Variants in LDLRAD3 observed in about 807,000 individuals in gnomAD.
The protein encoded by LDLRAD3 is low-density lipoprotein receptor class A domain-containing protein 3.
In LDLRAD3, 20 loss-of-function variants were observed where a neutral mutation model predicts 29.4. The ratio of observed to expected loss-of-function variants is 0.68; its 90% CI spans 0.48 to 0.99. LDLRAD3 has a LOEUF of 0.99. Ranked by LOEUF, LDLRAD3 falls within the 50% of genes least tolerant of loss-of-function variation. The pLI is 0.00. For missense variants in LDLRAD3, 420 were observed against 454.3 expected (o/e 0.92, Z 0.69); for synonymous variants, 157 against 192.7 (o/e 0.81, Z 1.53).
At chr11:36,207,659 G>T (rs538149650) in intron 4 of LDLRAD3, among the ~76,000 whole-genome samples, 1 of 151,998 alleles carries the variant, frequency 6.6e-6, no homozygotes, top group African/African-American at 2.4e-5. Flanking sequence ...TGAAGGGCTT[G>T]TATCCACAGT....
chr11:36,100,777 T>C (rs1052978980), intron 4 of LDLRAD3, among the ~76,000 whole-genome samples: 2 of 152,212 alleles, frequency 1.3e-5, no homozygotes, highest in Admixed American at 6.5e-5. Context: ...TGGACTCACT[T>C]ACTCATGGTG....
At chr11:36,035,975 C>G in intron 1 of LDLRAD3, 128 bp from the exon 2 acceptor site, 1 of 827,094 alleles carries the variant, frequency 1.2e-6, no homozygotes, top group African/African-American at 1.7e-5. Context: ...GATGAGGAAA[C>G]TGAAGGTCAG....
In LDLRAD3 at chr11:36,059,627, C is replaced by T. The variant is rs148089816; in HGVS notation, c.194-22026C>T. On this transcript the variant is annotated intron_variant, in intron 2 of 5. Coordinates refer to ENST00000315571, the MANE Select transcript of LDLRAD3 (RefSeq NM_174902.4). ...TGCCTGGCTGCTGTCCCCTCTTACC[C>T]TTGGTTGGCTGACTTCTTGTCTTCT... Among the ~76,000 whole-genome samples, 76 of 152,290 alleles carry T rather than the reference C, an allele frequency of 5.0e-4. 2 individuals are homozygous for T. The East Asian group carries it at 9.3e-3, about 19-fold the overall frequency.
At chr11:36,209,167 A>C (rs1855249770) in intron 4 of LDLRAD3, among the ~76,000 whole-genome samples, 1 of 152,198 alleles carries the variant, frequency 6.6e-6, no homozygotes, top group Non-Finnish European at 1.5e-5. Flanking sequence ...GAACAAGGAA[A>C]GACTGAGAAA....
rs78086369 is a variant in LDLRAD3, at chr11:36,227,180, G to T, written c.550G>T (p.Val184Leu). The T allele has an allele frequency of 1.2e-6, 2 of 1,614,072 alleles. No individual in the cohort carries two copies. Among genetic ancestry groups the T allele is most frequent in the Non-Finnish European group, 1.7e-6 (2 of 1,179,990 alleles). Residue 184 changes from valine to leucine, a missense_variant, in exon 5 of 6, where the codon GTG becomes TTG. By Grantham distance (32) the Val-to-Leu change is conservative. Coordinates refer to ENST00000315571, the MANE Select transcript of LDLRAD3 (RefSeq NM_174902.4). ...YAIIGSSVIF[V>L]LVVALLALVL... ...CATCATCGGCAGCTCCGTCATTTTT[G>T]TGCTGGTGGTGGCCCTGCTGGCACT...
At chr11:36,201,214 A>G (rs1273654181) in intron 4 of LDLRAD3, among the ~76,000 whole-genome samples, 2 of 152,222 alleles carry the variant, frequency 1.3e-5, no homozygotes, top group Non-Finnish European at 2.9e-5. Flanking sequence ...ACCAGCAACC[A>G]GAAGACAGCT....
chr11:36,006,872 C>T (rs1363394280), intron 1 of LDLRAD3, among the ~76,000 whole-genome samples: 1 of 152,204 alleles, frequency 6.6e-6, no homozygotes, highest in African/African-American at 2.4e-5. Context: ...CTCCAGATGT[C>T]GACTATTCCC....
chr11:36,036,048 G>A, intron 1 of LDLRAD3, 55 bp from the exon 2 acceptor site: 12 of 1,573,600 alleles, frequency 7.6e-6, no homozygotes, highest in Non-Finnish European at 1.0e-5. Flanking sequence ...CAGTTGAGGG[G>A]CGCTGAGGTC....
At chr11:36,055,469 T>C (rs1639880439) in intron 2 of LDLRAD3, among the ~76,000 whole-genome samples, 1 of 152,186 alleles carries the variant, frequency 6.6e-6, no homozygotes. Flanking sequence ...GGCTTTCATG[T>C]TCAGAAACAG....
chr11:36,018,810 G>A (rs750100606), intron 1 of LDLRAD3, among the ~76,000 whole-genome samples: 33 of 152,216 alleles, frequency 2.2e-4, no homozygotes, highest in South Asian at 6.2e-4. Flanking sequence ...GGCATTTCAC[G>A]TGCATTTGTT....
rs67731567 is a variant in LDLRAD3 at position 36,055,990 on chromosome 11, C to CTTTTTTTTTTTTTTTTTTTTTTTTTTTTT, written c.193+19763_193+19764insTTTTTTTTTTTTTTTTTTTTTTTTTTTTT. Reference sequence around the variant, plus strand: ...GGGTTCTGGGGTCAGACAGCTTGCCCTTTTTTTTTTTTTTTTTTTTTTGAG... The same window carrying CTTTTTTTTTTTTTTTTTTTTTTTTTTTTT: ...GGGTTCTGGGGTCAGACAGCTTGCCCTTTTTTTTTTTTTTTTTTTTTTTTTTTTTTTTTTTTTTTTTTTTTTTTTTTGAG... On this transcript the variant is annotated intron_variant, in intron 2 of 5. Coordinates refer to ENST00000315571, the MANE Select transcript of LDLRAD3 (RefSeq NM_174902.4). Among the ~76,000 whole-genome samples the CTTTTTTTTTTTTTTTTTTTTTTTTTTTTT allele has an allele frequency of 4.2e-5, 4 of 95,354 alleles. 1 individual carries two copies. Among genetic ancestry groups the CTTTTTTTTTTTTTTTTTTTTTTTTTTTTT allele is most frequent in the Non-Finnish European group, 7.7e-5 (4 of 51,998 alleles). The allele number at this position is 95,354 out of a possible 152,430, so 62.6% of individuals were successfully genotyped here. A position where few individuals can be genotyped will look rare whatever the true frequency, so the allele number is the denominator to read the frequency against.
At chr11:36,143,238 C>T (rs539328373) in intron 4 of LDLRAD3, among the ~76,000 whole-genome samples, 4 of 152,320 alleles carry the variant, frequency 2.6e-5, no homozygotes, top group Non-Finnish European at 2.9e-5. Flanking sequence ...CCAGGCACAA[C>T]GCGCTGTCTC....
intron 4 of LDLRAD3, among the ~76,000 whole-genome samples, chr11:36,226,120 G>A (rs978115122): frequency 3.9e-5 from 6 of 152,026 alleles, no homozygotes; most frequent in East Asian, 1.9e-4. Flanking sequence ...TGTATGTACC[G>A]AACACATGCA....
At chr11:36,161,929 T>A (rs185795372) in intron 4 of LDLRAD3, among the ~76,000 whole-genome samples, 16 of 152,334 alleles carry the variant, frequency 1.1e-4, no homozygotes, top group African/African-American at 3.6e-4. Flanking sequence ...GAGAATGAGT[T>A]AACATCTATC....
At chr11:36,126,964 A>G (rs918318058) in intron 4 of LDLRAD3, among the ~76,000 whole-genome samples, 5 of 152,214 alleles carry the variant, frequency 3.3e-5, no homozygotes, top group African/African-American at 1.2e-4. Context: ...CCAAAAGGAA[A>G]ATTCAACAAA....
At chr11:36,067,375 T>C (rs1852812085) in intron 2 of LDLRAD3, among the ~76,000 whole-genome samples, 1 of 152,240 alleles carries the variant, frequency 6.6e-6, no homozygotes, top group Non-Finnish European at 1.5e-5. Flanking sequence ...TATTTTATAA[T>C]ACTATATTTT....
At chr11:36,129,710 CT>C (rs147840133) in intron 4 of LDLRAD3, among the ~76,000 whole-genome samples, 2,875 of 152,302 alleles carry the variant, frequency 0.019, 78 homozygotes, top group African/African-American at 0.066. Flanking sequence ...GCTGAAACAT[CT>C]GCCCTAAGCC....
intron 4 of LDLRAD3, among the ~76,000 whole-genome samples, chr11:36,141,615 G>C (rs1232366227): frequency 1.3e-5 from 2 of 152,204 alleles, no homozygotes; most frequent in Non-Finnish European, 2.9e-5. Flanking sequence ...GGGGGTGGGA[G>C]TAGGGAATCA....
At chr11:36,220,285 A>C (rs1034780698) in intron 4 of LDLRAD3, among the ~76,000 whole-genome samples, 7 of 152,160 alleles carry the variant, frequency 4.6e-5, no homozygotes, top group Admixed American at 3.3e-4. Context: ...ACAGTGGGAC[A>C]ATTTCTTCTA....
Sources: gnomAD v4.1 joint callset for allele counts (sites outside exome capture counted in the v4.1 genomes callset) on GRCh38, gnomAD v4.1.1 for gene constraint, MANE v1.5 for transcripts, NCBI Gene and HGNC (gene_info 2026-07-23, HGNC 2026-07-21) for gene names.